CFAP47: variants seen among roughly 807,000 people sequenced by gnomAD.
CFAP47 encodes the protein cilia- and flagella-associated protein 47.
CFAP47 carries 29 observed loss-of-function variants against 148.1 expected under a neutral mutation model. That is an observed-to-expected ratio of 0.20 (90% CI 0.15 to 0.27). The LOEUF is 0.27. Among genes scored for constraint, CFAP47 ranks in the 10% least tolerant of loss-of-function variants. The probability of loss-of-function intolerance (pLI) is 1.00; values close to 1 mark genes in which losing one functional copy is unlikely to be tolerated. For missense variants in CFAP47, 1,872 were observed against 1,697.5 expected (o/e 1.10, Z -1.81); for synonymous variants, 664 against 577.3 (o/e 1.15, Z -2.15).
chrX:36,000,815 T>C (rs1031920932), intron 20 of CFAP47, among the ~76,000 whole-genome samples: 1 of 112,043 alleles, frequency 8.9e-6, no homozygotes, highest in Non-Finnish European at 1.9e-5. Flanking sequence ...GATATCTTGA[T>C]GTTAAATTAG....
At chrX:36,101,808 A>G (rs1302318738) in intron 32 of CFAP47, among the ~76,000 whole-genome samples, 1 of 111,809 alleles carries the variant, frequency 8.9e-6, no homozygotes, top group Non-Finnish European at 1.9e-5. Context: ...AAAAATACAG[A>G]GATTTTTATG....
chrX:36,196,582 C>T (rs1206257525), intron 42 of CFAP47, among the ~76,000 whole-genome samples: 2 of 110,695 alleles, frequency 1.8e-5, no homozygotes, highest in Non-Finnish European at 1.9e-5. Context: ...ACTTTTGTGC[C>T]AATTCAGTGT....
intron 48 of CFAP47, among the ~76,000 whole-genome samples, chrX:36,246,874 T>A (rs1005045974): frequency 9.0e-6 from 1 of 111,346 alleles, no homozygotes; most frequent in African/African-American, 3.3e-5. Flanking sequence ...TGGAGATTTT[T>A]AAAATAACGT....
rs113256978 is a variant in CFAP47 at position 36,075,201 on chromosome X, T to A, written c.4691+1837T>A. 9.9e-3 allele frequency among the ~76,000 whole-genome samples: 1,051 copies of A among 106,605 alleles called. 8 individuals are homozygous for A. The highest frequency in any genetic ancestry group is 0.033 in the African/African-American group (953 of 28,891). The allele number at this position is 106,605 out of a possible 115,157, so 92.6% of individuals were successfully genotyped here. On this transcript the variant is annotated intron_variant, in intron 29 of 63. Coordinates refer to ENST00000378653, the MANE Select transcript of CFAP47 (RefSeq NM_001304548.2). ...TTAATTTTAATTTTATATGTATTATTTTTATTTATTTATTTATTTATTTAT... is the reference window on the plus strand; with the variant it reads ...TTAATTTTAATTTTATATGTATTATATTTATTTATTTATTTATTTATTTAT...
intron 22 of CFAP47, among the ~76,000 whole-genome samples, chrX:36,029,591 TG>T (rs779838702): frequency 2.7e-5 from 3 of 110,938 alleles, no homozygotes; most frequent in Non-Finnish European, 5.7e-5. Flanking sequence ...GTTCCATTTT[TG>T]TGTTCTTTCA....
intron 22 of CFAP47, among the ~76,000 whole-genome samples, chrX:36,020,722 G>T (rs1310415959): frequency 1.8e-5 from 2 of 111,508 alleles, no homozygotes; most frequent in Non-Finnish European, 3.8e-5. Context: ...AGTCTATGTG[G>T]GTCTTTATAT....
In CFAP47 at chrX:36,085,980, C is replaced by T. The variant is rs191963428; in HGVS notation, c.4916+442C>T. 6.3e-3 allele frequency among the ~76,000 whole-genome samples: 699 copies of T among 111,045 alleles called. 3 individuals are homozygous for T. Among genetic ancestry groups the T allele is most frequent in the African/African-American group, 0.021 (628 of 30,606 alleles). On this transcript the variant is annotated intron_variant, in intron 30 of 63. Transcript: ENST00000378653. The stretch of plus-strand genomic sequence containing the variant: ...TGAAAATCCTGGTCTACAGCAAATA[C>T]ATAAATCCATTTAGCTAAAAAGGGA...
At chrX:36,285,563 C>T in intron 50 of CFAP47, 66 bp from the exon 51 acceptor site, 1 of 481,204 alleles carries the variant, frequency 2.1e-6, no homozygotes, top group Admixed American at 3.6e-5. Flanking sequence ...TCATGATTCT[C>T]AAATGTGTAT....
At chrX:36,183,410 A>G (rs1410919932) in intron 40 of CFAP47, among the ~76,000 whole-genome samples, 1 of 111,901 alleles carries the variant, frequency 8.9e-6, no homozygotes, top group African/African-American at 3.3e-5. Flanking sequence ...TTAGCAAGAA[A>G]TAAACTATTG....
chrX:35,951,069 A>G, intron 4 of CFAP47, 62 bp from the exon 5 acceptor site: 1 of 839,163 alleles, frequency 1.2e-6, no homozygotes, highest in Non-Finnish European at 1.7e-6. Flanking sequence ...GTGGGAGAAA[A>G]ACAAAGTATA....
intron 57 of CFAP47, among the ~76,000 whole-genome samples, chrX:36,325,748 A>C (rs192272087): frequency 1.2e-3 from 134 of 111,484 alleles, no homozygotes; most frequent in African/African-American, 4.0e-3. Flanking sequence ...CACCTTCCAC[A>C]TCAATTCATC....
At chrX:35,936,630 G>C (rs1429012899) in intron 2 of CFAP47, among the ~76,000 whole-genome samples, 1 of 110,051 alleles carries the variant, frequency 9.1e-6, no homozygotes, top group Non-Finnish European at 1.9e-5. Context: ...GAGACTCTGG[G>C]TCTTATTTAA....
chrX:36,331,666 G>T (rs1309174291), intron 57 of CFAP47, among the ~76,000 whole-genome samples: 2 of 110,546 alleles, frequency 1.8e-5, no homozygotes, highest in African/African-American at 6.6e-5. Context: ...ATTTATTTTT[G>T]TCTCACTGCA....
chrX:35,936,443 ATT>A (rs34238002), intron 2 of CFAP47, among the ~76,000 whole-genome samples: 2,615 of 92,965 alleles, frequency 0.028, 77 homozygotes, highest in African/African-American at 0.095. Flanking sequence ...TTGTTGCAGC[ATT>A]TTTTTTTTTT....
At chrX:36,189,932 A>G (rs1939848022) in intron 41 of CFAP47, 119 bp from the exon 42 acceptor site, 1 of 285,124 alleles carries the variant, frequency 3.5e-6, no homozygotes, top group African/African-American at 2.7e-5. Flanking sequence ...AAATGTACAT[A>G]TCATCTTCTA....
rs185748686 is a variant in CFAP47, at chrX:36,343,445, G to A, written c.8444-4684G>A. Among the ~76,000 whole-genome samples the A allele has an allele frequency of 5.5e-3, 620 of 111,975 alleles. 1 individual carries two copies. Among genetic ancestry groups the A allele is most frequent in the African/African-American group, 0.019 (575 of 30,803 alleles). ...AAGTCAGGAAACAACAGATGCTGGC[G>A]AGGATGTGGAGAAATAGGAACACTT... On this transcript the variant is annotated intron_variant, in intron 57 of 63. Transcript: ENST00000378653.
chrX:36,115,135 A>C (rs1938618450), intron 33 of CFAP47, among the ~76,000 whole-genome samples: 1 of 112,273 alleles, frequency 8.9e-6, no homozygotes, highest in Non-Finnish European at 1.9e-5. Context: ...GACTAGATGG[A>C]ATACATCTTC....
intron 33 of CFAP47, among the ~76,000 whole-genome samples, chrX:36,128,539 A>G (rs1389751796): frequency 3.6e-5 from 4 of 111,216 alleles, no homozygotes; most frequent in Admixed American, 2.9e-4. Flanking sequence ...CTCAGATATG[A>G]AGATGCTTTT....
intron 1 of CFAP47, among the ~76,000 whole-genome samples, chrX:35,923,911 G>GTA (rs746259921): frequency 1.8e-4 from 15 of 82,727 alleles, no homozygotes; most frequent in East Asian, 7.0e-4. Context: ...ATGTACATGT[G>GTA]TATATATGTA....
Sources: gnomAD v4.1 joint callset for allele counts (sites outside exome capture counted in the v4.1 genomes callset) on GRCh38, gnomAD v4.1.1 for gene constraint, MANE v1.5 for transcripts, NCBI Gene and HGNC (gene_info 2026-07-23, HGNC 2026-07-21) for gene names.